SNX13: variants seen among roughly 807,000 people sequenced by gnomAD.
SNX13 encodes sorting nexin 13, also known as sorting nexin-13.
SNX13 carries 45 observed loss-of-function variants against 133.6 expected under a neutral mutation model. That is an observed-to-expected ratio of 0.34 (90% CI 0.27 to 0.43). SNX13 has a LOEUF of 0.43. Ranked by LOEUF, SNX13 falls within the 20% of genes least tolerant of loss-of-function variation. SNX13 has a pLI of 1.00. For missense variants in SNX13, 1,032 were observed against 1,145.1 expected (o/e 0.90, Z 1.43); for synonymous variants, 414 against 373.9 (o/e 1.11, Z -1.24).
chr7:17,910,979 C>T (rs1798917661), intron 1 of SNX13, among the ~76,000 whole-genome samples: 1 of 152,094 alleles, frequency 6.6e-6, no homozygotes, highest in Admixed American at 6.5e-5. Context: ...TGGTTGCATA[C>T]CATGGTGAAT....
At position 17,839,912 on chromosome 7, in the gene SNX13, T is replaced by C. The variant is rs187890598; in HGVS notation, c.1254A>G (p.Glu418=). 3.5e-4 allele frequency: 566 copies of C among 1,612,126 alleles called. 1 individual carries two copies. The African/African-American group carries it at 6.0e-3, about 17-fold the overall frequency. The change falls in exon 13 of 26, where the codon GAA becomes GAG. Residue 418 remains glutamate (E), a synonymous_variant. Coordinates refer to ENST00000428135, the MANE Select transcript of SNX13 (RefSeq NM_015132.5). ...GYRVTAQQQL[E]VLLSRQRDGK... is the part of the protein sequence containing the mutation. ...CATCTCTCTGACGACTTAATAAAAC[T>C]TCTAGCTGCTGTTGGGCGGTAACCC... is the stretch of plus-strand genomic sequence containing the variant.
At chr7:17,824,205 A>C (rs1228967997) in intron 17 of SNX13, among the ~76,000 whole-genome samples, 1 of 152,122 alleles carries the variant, frequency 6.6e-6, no homozygotes, top group African/African-American at 2.4e-5. Context: ...CTAGAATGTA[A>C]ATCAACTCCA....
At chr7:17,913,013 G>A (rs2128022874) in intron 1 of SNX13, among the ~76,000 whole-genome samples, 1 of 152,314 alleles carries the variant, frequency 6.6e-6, no homozygotes, top group South Asian at 2.1e-4. Context: ...ACTGGTCTAT[G>A]TGTGTCACTG....
chr7:17,856,816 GAAAAGA>G (rs1157700256), intron 9 of SNX13, among the ~76,000 whole-genome samples: 134 of 136,180 alleles, frequency 9.8e-4, no homozygotes, highest in African/African-American at 1.7e-3. Context: ...AAGAAAGAAA[GAAAAGA>G]AAAAGAAAAA....
At chr7:17,843,858 C>T (rs1790188284) in intron 12 of SNX13, among the ~76,000 whole-genome samples, 1 of 151,840 alleles carries the variant, frequency 6.6e-6, no homozygotes, top group Non-Finnish European at 1.5e-5. Context: ...ACTCACACAA[C>T]CAATGGATCA....
intron 24 of SNX13, among the ~76,000 whole-genome samples, chr7:17,797,467 G>C (rs991451976): frequency 2.0e-5 from 3 of 151,830 alleles, no homozygotes; most frequent in Admixed American, 6.6e-5. Flanking sequence ...AACTTTCAGT[G>C]TGCTTTACTC....
At chr7:17,888,166 C>T (rs2714878) in intron 5 of SNX13, 68,001 of 151,870 alleles carry the variant, frequency 0.45, 15,743 homozygotes, top group East Asian at 0.72. Flanking sequence ...TTTTACTGCA[C>T]GCTAAGAACT....
intron 7 of SNX13, among the ~76,000 whole-genome samples, chr7:17,874,793 G>A (rs887552956): frequency 6.6e-6 from 1 of 152,050 alleles, no homozygotes; most frequent in Non-Finnish European, 1.5e-5. Context: ...GCTAAAACTT[G>A]TCTAGTGTAA....
intron 1 of SNX13, among the ~76,000 whole-genome samples, chr7:17,930,898 T>A (rs954387829): frequency 6.6e-6 from 1 of 152,148 alleles, no homozygotes; most frequent in Non-Finnish European, 1.5e-5. Flanking sequence ...AGGATCTAGG[T>A]TGCATATTCC....
intron 20 of SNX13, among the ~76,000 whole-genome samples, chr7:17,811,829 C>A (rs1015245027): frequency 6.6e-6 from 1 of 152,078 alleles, no homozygotes; most frequent in Non-Finnish European, 1.5e-5. Context: ...ACGGAGGCCT[C>A]AGAAATGACG....
At chr7:17,808,716 T>C (rs910313505) in intron 20 of SNX13, among the ~76,000 whole-genome samples, 2 of 152,206 alleles carry the variant, frequency 1.3e-5, no homozygotes, top group African/African-American at 4.8e-5. Context: ...AAAGGTCAGG[T>C]TACCCACAAA....
chr7:17,891,052 GTAA>G (rs1476944759), intron 4 of SNX13, among the ~76,000 whole-genome samples: 2 of 151,520 alleles, frequency 1.3e-5, no homozygotes, highest in Non-Finnish European at 3.0e-5. Context: ...CTAAATATTA[GTAA>G]TAATAATAAA....
At chr7:17,820,778 T>C (rs1016802519) in intron 18 of SNX13, among the ~76,000 whole-genome samples, 1 of 152,118 alleles carries the variant, frequency 6.6e-6, no homozygotes, top group Admixed American at 6.6e-5. Flanking sequence ...TTAATACCAG[T>C]TGTATACCTA....
intron 2 of SNX13, among the ~76,000 whole-genome samples, chr7:17,896,405 C>T (rs1797216201): frequency 6.6e-6 from 1 of 152,140 alleles, no homozygotes; most frequent in Non-Finnish European, 1.5e-5. Context: ...ACATGACTAT[C>T]AAATCTGTAT....
At chr7:17,808,241 A>G (rs1467667982) in intron 20 of SNX13, among the ~76,000 whole-genome samples, 1 of 152,202 alleles carries the variant, frequency 6.6e-6, no homozygotes, top group Admixed American at 6.5e-5. Context: ...TACAATAACC[A>G]ATGTAGAGAA....
At chr7:17,806,083 GCTGTCCT>G (rs1280883994) in intron 20 of SNX13, among the ~76,000 whole-genome samples, 1 of 152,168 alleles carries the variant, frequency 6.6e-6, no homozygotes, top group African/African-American at 2.4e-5. Flanking sequence ...TGTACACTTA[GCTGTCCT>G]TACACAGATG....
At chr7:17,829,487 G>A (rs1253095133) in intron 16 of SNX13, among the ~76,000 whole-genome samples, 1 of 151,376 alleles carries the variant, frequency 6.6e-6, no homozygotes, top group Admixed American at 6.6e-5. Context: ...GGATGTAGTT[G>A]CTGTAAAACT....
intron 1 of SNX13, among the ~76,000 whole-genome samples, chr7:17,913,630 C>A (rs1799231417): frequency 6.6e-6 from 1 of 151,996 alleles, no homozygotes; most frequent in Non-Finnish European, 1.5e-5. Flanking sequence ...CATACAGAGC[C>A]TTGGCCCTCT....
At chr7:17,814,249 C>A (rs575710471) in intron 20 of SNX13, among the ~76,000 whole-genome samples, 1 of 152,246 alleles carries the variant, frequency 6.6e-6, no homozygotes, top group Admixed American at 6.5e-5. Flanking sequence ...GGTTCAGTAA[C>A]ATGCTCAAGG....
Sources: allele counts gnomAD v4.1 joint callset (sites outside exome capture counted in the v4.1 genomes callset), GRCh38; gene constraint gnomAD v4.1.1; transcripts MANE v1.5; gene names NCBI Gene and HGNC (gene_info 2026-07-23, HGNC 2026-07-21).